The following EFCAB6 variants were observed in gnomAD, a reference collection of about 807,000 sequenced individuals.
EFCAB6 encodes the protein EF-hand calcium-binding domain-containing protein 6.
EFCAB6 carries 156 observed loss-of-function variants against 169.8 expected under a neutral mutation model. The ratio of observed to expected loss-of-function variants is 0.92; its 90% confidence interval spans 0.81 to 1.05. The LOEUF is 1.05. Ranked by LOEUF, EFCAB6 falls within the 50% of genes least tolerant of loss-of-function variation. The probability of loss-of-function intolerance (pLI) is 0.00; values close to 1 mark genes in which losing one functional copy is unlikely to be tolerated. For synonymous variants in EFCAB6, 698 were observed against 676.4 expected (o/e 1.03, Z -0.50); for missense variants, 1,800 against 1,829.1 (o/e 0.98, Z 0.29).
At chr22:43,534,380 G>A (rs577378593) in intron 30 of EFCAB6, among the ~76,000 whole-genome samples, 6 of 152,168 alleles carry the variant, frequency 3.9e-5, no homozygotes, top group Admixed American at 6.5e-5. Flanking sequence ...TGAGTCAATT[G>A]AACCTCTTTC....
At chr22:43,631,412 C>T (rs757671493) in intron 19 of EFCAB6, among the ~76,000 whole-genome samples, 29 of 151,998 alleles carry the variant, frequency 1.9e-4, no homozygotes, top group Non-Finnish European at 3.2e-4. Context: ...CACACCTCCA[C>T]CACGACAAGC....
intron 30 of EFCAB6, chr22:43,533,342 C>G (rs1207110146): frequency 1.3e-5 from 2 of 152,276 alleles, no homozygotes; most frequent in East Asian, 3.9e-4. Flanking sequence ...TGTGACCCAC[C>G]CCACCCCTCA....
At chr22:43,545,892 C>A (rs925483728) in intron 27 of EFCAB6, among the ~76,000 whole-genome samples, 3 of 152,062 alleles carry the variant, frequency 2.0e-5, no homozygotes, top group African/African-American at 7.2e-5. Context: ...CTCAGGATTT[C>A]CCCCAGATTA....
At chr22:43,762,599 C>CT (rs1432810093) in intron 5 of EFCAB6, among the ~76,000 whole-genome samples, 1 of 152,148 alleles carries the variant, frequency 6.6e-6, no homozygotes, top group East Asian at 1.9e-4. Context: ...AAAAAGAAGT[C>CT]TCTGTTCGCT....
intron 3 of EFCAB6, among the ~76,000 whole-genome samples, chr22:43,778,408 A>T (rs2061705966): frequency 6.6e-6 from 1 of 152,210 alleles, no homozygotes; most frequent in Non-Finnish European, 1.5e-5. Context: ...AAGGCTGAAT[A>T]CAGGGAACAA....
chr22:43,635,681 T>A (rs2055337846), intron 17 of EFCAB6, among the ~76,000 whole-genome samples: 1 of 152,210 alleles, frequency 6.6e-6, no homozygotes, highest in African/African-American at 2.4e-5. Flanking sequence ...CGGCTGTGTT[T>A]TTTTAAATGG....
At chr22:43,663,239 C>G (rs1284541253) in intron 17 of EFCAB6, among the ~76,000 whole-genome samples, 1 of 152,168 alleles carries the variant, frequency 6.6e-6, no homozygotes, top group Admixed American at 6.5e-5. Flanking sequence ...ATACTTAGAG[C>G]TCTCTTGAGA....
intron 3 of EFCAB6, among the ~76,000 whole-genome samples, chr22:43,777,703 CAT>C (rs2061684483): frequency 6.6e-6 from 1 of 152,204 alleles, no homozygotes; most frequent in African/African-American, 2.4e-5. Flanking sequence ...TTGGACTTCT[CAT>C]ATATATTTTT....
intron 17 of EFCAB6, among the ~76,000 whole-genome samples, chr22:43,649,016 G>A (rs1317726599): frequency 6.6e-6 from 1 of 152,076 alleles, no homozygotes; most frequent in Admixed American, 6.6e-5. Flanking sequence ...CCAGGCTTGA[G>A]TTGGTGCAAA....
At position 43,554,983 on chromosome 22, in the gene EFCAB6, G is replaced by C. The variant is rs759502408; in HGVS notation, c.3534C>G (p.Tyr1178Ter). ...TCTCAAACTCCTGGGTGATGGCATG[G>C]TAATGGGAAGTCACTGCTTTGTGGA... Reference protein sequence around the residue: ...ARLHKAVTSHYHAITQEFENF... With the variant: ...ARLHKAVTSH The change falls in exon 27 of 32, where the codon TAC (tyrosine) becomes TAG (stop). Residue 1178 changes from tyrosine to a stop codon, truncating the protein, a stop_gained. Coordinates refer to ENST00000262726, the MANE Select transcript of EFCAB6 (RefSeq NM_022785.4). LOFTEE classifies it high-confidence loss of function. 6.2e-7 allele frequency: 1 copy of C among 1,614,216 alleles called. No homozygotes were observed. The highest frequency in any genetic ancestry group is 8.5e-7 in the Non-Finnish European group (1 of 1,180,040).
In EFCAB6 at chr22:43,530,957, G is replaced by C. The variant is rs898971715; in HGVS notation, c.4241C>G (p.Ala1414Gly). The C allele has an allele frequency of 6.2e-7, 1 of 1,613,852 alleles. No homozygotes were observed. The highest frequency in any genetic ancestry group is 8.5e-7 in the Non-Finnish European group (1 of 1,179,976). The change falls in exon 31 of 32, where the codon GCC becomes GGC. Residue 1414 changes from alanine to glycine, a missense_variant. Ala to Gly is a moderately conservative substitution (Grantham distance 60). Transcript: ENST00000262726. ...KIQNAHKMKEAGAETPSFYSA... is the reference protein window; with the variant it reads ...KIQNAHKMKEGGAETPSFYSA... ...GTAAAAAGATGGCGTCTCCGCGCCGGCTTCTTTCTAGACACAAGACAAGAA... is the reference window on the plus strand; with the variant it reads ...GTAAAAAGATGGCGTCTCCGCGCCGCCTTCTTTCTAGACACAAGACAAGAA...
intron 10 of EFCAB6, among the ~76,000 whole-genome samples, chr22:43,708,661 T>C (rs182928053): frequency 1.9e-3 from 285 of 152,178 alleles, no homozygotes; most frequent in Non-Finnish European, 3.6e-3. Context: ...GAAAAAGATA[T>C]ACCTGACAAA....
intron 10 of EFCAB6, among the ~76,000 whole-genome samples, chr22:43,688,391 G>T (rs2157227): frequency 2.0e-5 from 3 of 152,194 alleles, no homozygotes; most frequent in Non-Finnish European, 2.9e-5. Context: ...TAGAAAGTTA[G>T]TATAGATTTA....
chr22:43,550,234 G>A (rs1189640870), intron 27 of EFCAB6, among the ~76,000 whole-genome samples: 2 of 152,148 alleles, frequency 1.3e-5, no homozygotes, highest in Non-Finnish European at 2.9e-5. Context: ...AGCTCAGAGA[G>A]GCTGGGCACC....
chr22:43,646,725 T>G (rs867467862), intron 17 of EFCAB6, among the ~76,000 whole-genome samples: 7 of 152,256 alleles, frequency 4.6e-5, no homozygotes, highest in Middle Eastern at 3.4e-3. Flanking sequence ...GAAAGAGAAG[T>G]TCAGGCTAAC....
At chr22:43,562,434 C>A (rs1410644360) in intron 26 of EFCAB6, among the ~76,000 whole-genome samples, 1 of 152,128 alleles carries the variant, frequency 6.6e-6, no homozygotes, top group African/African-American at 2.4e-5. Flanking sequence ...AGAATCTAAA[C>A]CCCTGGTTCT....
intron 27 of EFCAB6, among the ~76,000 whole-genome samples, chr22:43,550,220 C>T (rs1036444714): frequency 2.3e-4 from 35 of 152,100 alleles, no homozygotes; most frequent in African/African-American, 7.7e-4. Flanking sequence ...CCGAGGGAGA[C>T]ACAAGCTCAG....
At chr22:43,790,069 T>C (rs957360801) in intron 2 of EFCAB6, among the ~76,000 whole-genome samples, 2 of 152,218 alleles carry the variant, frequency 1.3e-5, no homozygotes, top group African/African-American at 4.8e-5. Flanking sequence ...TTTTTTTTAA[T>C]GTGCAAGAAA....
At chr22:43,550,087 G>T (rs1015640340) in intron 27 of EFCAB6, among the ~76,000 whole-genome samples, 3 of 152,202 alleles carry the variant, frequency 2.0e-5, no homozygotes, top group African/African-American at 7.2e-5. Flanking sequence ...AGTAGGCATT[G>T]AAAGACACGG....
Sources: gnomAD v4.1 joint callset for allele counts (sites outside exome capture counted in the v4.1 genomes callset) on GRCh38, gnomAD v4.1.1 for gene constraint, MANE v1.5 for transcripts, NCBI Gene and HGNC (gene_info 2026-07-23, HGNC 2026-07-21) for gene names.